Variants in SEC24B observed in about 807,000 individuals in gnomAD.
SEC24B encodes protein transport protein Sec24B.
A neutral mutation model predicts 142.8 loss-of-function variants in SEC24B; 45 were observed. The ratio of observed to expected loss-of-function variants is 0.32; its 90% CI spans 0.25 to 0.40. SEC24B has a LOEUF of 0.40. SEC24B is among the 10% of genes least tolerant of loss of function. SEC24B has a pLI of 1.00. For synonymous variants in SEC24B, 574 were observed against 568.2 expected, an observed-to-expected ratio of 1.01 and a Z score of -0.15; for missense variants, 1,409 against 1,526.8, an observed-to-expected ratio of 0.92 and a Z score of 1.29.
chr4:109,539,217 C>T (rs1344963832), intron 23 of SEC24B, among the ~76,000 whole-genome samples: 1 of 152,090 alleles, frequency 6.6e-6, no homozygotes, highest in African/African-American at 2.4e-5. Flanking sequence ...CCACCTCGGC[C>T]TCTCAAAGTG....
chr4:109,475,662 C>T (rs1470409619), intron 3 of SEC24B, among the ~76,000 whole-genome samples: 1 of 152,060 alleles, frequency 6.6e-6, no homozygotes, highest in African/African-American at 2.4e-5. Context: ...ACTTTTAAAA[C>T]TGAGATGTTA....
chr4:109,482,503 G>T (rs1212752703), intron 4 of SEC24B, among the ~76,000 whole-genome samples: 1 of 152,078 alleles, frequency 6.6e-6, no homozygotes, highest in Non-Finnish European at 1.5e-5. Flanking sequence ...TCAGATTTCA[G>T]AATATTTGCT....
At chr4:109,533,321 G>T (rs925017979) in intron 21 of SEC24B, among the ~76,000 whole-genome samples, 2 of 152,182 alleles carry the variant, frequency 1.3e-5, no homozygotes, top group African/African-American at 4.8e-5. Context: ...GGGAAATACA[G>T]TGAGTCAATT....
At chr4:109,464,410 G>A (rs1731642502) in intron 2 of SEC24B, among the ~76,000 whole-genome samples, 1 of 151,682 alleles carries the variant, frequency 6.6e-6, no homozygotes, top group African/African-American at 2.4e-5. Context: ...AGCCCCACAA[G>A]TAGCTGGGAC....
intron 22 of SEC24B, among the ~76,000 whole-genome samples, chr4:109,537,071 C>G (rs1451684371): frequency 1.3e-5 from 2 of 152,122 alleles, no homozygotes; most frequent in African/African-American, 4.8e-5. Context: ...TCCTTACTTT[C>G]TGCCTCCTCC....
chr4:109,464,036 T>G (rs1398648221), intron 2 of SEC24B, among the ~76,000 whole-genome samples: 1 of 152,178 alleles, frequency 6.6e-6, no homozygotes, highest in African/African-American at 2.4e-5. Context: ...GAGCCCCACT[T>G]ACTTAGAAAA....
chr4:109,493,207 A>T (rs190829964), intron 5 of SEC24B, among the ~76,000 whole-genome samples: 38 of 152,268 alleles, frequency 2.5e-4, no homozygotes, highest in African/African-American at 8.7e-4. Flanking sequence ...TTGCCTAATC[A>T]GCACAAGATG....
intron 16 of SEC24B, among the ~76,000 whole-genome samples, chr4:109,525,791 A>T (rs746705695): frequency 6.6e-6 from 1 of 152,172 alleles, no homozygotes; most frequent in Non-Finnish European, 1.5e-5. Flanking sequence ...GAAGATCTTA[A>T]ATAAGAATTG....
chr4:109,527,976 T>C (rs1724443125), intron 18 of SEC24B, among the ~76,000 whole-genome samples: 1 of 152,158 alleles, frequency 6.6e-6, no homozygotes, highest in African/African-American at 2.4e-5. Context: ...AAATAATATA[T>C]GCACAATCCA....
Position 109,512,083 on chromosome 4 carries a change from G to A in SEC24B, c.1903G>A (p.Val635Ile). 1 of 1,602,158 alleles carries A rather than the reference G, an allele frequency of 6.2e-7. No homozygotes were observed. Among genetic ancestry groups the A allele is most frequent in the Non-Finnish European group, 8.5e-7 (1 of 1,176,660 alleles). ...CAATTTGTGCTATAGAGTAAACGAT[G>A]GTGAGTTTTAGATTCTTAATTGTGT... ...KCNLCYRVND[V>I]PEEFMYNPLT... Residue 635 changes from valine (V) to isoleucine (I), a missense_variant and splice_region_variant, in exon 9 of 24, where the codon GTT becomes ATT. By Grantham distance (29) the Val-to-Ile change is conservative (BLOSUM62 3). Transcript: ENST00000265175.
At chr4:109,526,165 C>T in intron 16 of SEC24B, 61 bp from the exon 17 acceptor site, 1 of 1,496,986 alleles carries the variant, frequency 6.7e-7, no homozygotes, top group South Asian at 1.2e-5. Flanking sequence ...AAAAAAGTAA[C>T]TTTAGCTTGA....
chr4:109,506,292 ATTG>A (rs1561149045), intron 6 of SEC24B, 33 bp from the exon 7 acceptor site: 2 of 1,415,044 alleles, frequency 1.4e-6, no homozygotes, highest in Non-Finnish European at 1.9e-6. Context: ...TTTATGTTTT[ATTG>A]TTCTTTTATT....
chr4:109,456,777 ATTG>A (rs1730737981), intron 1 of SEC24B, among the ~76,000 whole-genome samples: 2 of 152,290 alleles, frequency 1.3e-5, no homozygotes, highest in African/African-American at 4.8e-5. Context: ...CTTTCAATAT[ATTG>A]TTGTTTTCTA....
intron 10 of SEC24B, among the ~76,000 whole-genome samples, chr4:109,515,669 A>T (rs1445107549): frequency 6.6e-6 from 1 of 152,194 alleles, no homozygotes; most frequent in Non-Finnish European, 1.5e-5. Flanking sequence ...CACGTACTCC[A>T]AAGAAAACAG....
At chr4:109,449,824 T>C (rs951821345) in intron 1 of SEC24B, among the ~76,000 whole-genome samples, 3 of 152,296 alleles carry the variant, frequency 2.0e-5, no homozygotes, top group South Asian at 4.1e-4. Context: ...GAGTCCATAA[T>C]AGAGGGATGT....
Position 109,531,604 on chromosome 4 carries a change from A to G in SEC24B, c.3390+82A>G. 4.8e-6 allele frequency: 5 copies of G among 1,042,972 alleles called. No homozygotes were observed. In the South Asian group the frequency reaches 6.7e-5, roughly 14 times the overall value. The allele number at this position is 1,042,972 out of a possible 1,614,324, so 64.6% of individuals were successfully genotyped here. On this transcript the variant is annotated intron_variant, in intron 20 of 23. Transcript: ENST00000265175. Reference sequence around the variant, plus strand: ...TCTACAGCTAAGATGATAATATACTATCAACTGGTTTTTCTTTTTAACTCT... The same window carrying G: ...TCTACAGCTAAGATGATAATATACTGTCAACTGGTTTTTCTTTTTAACTCT...
intron 3 of SEC24B, among the ~76,000 whole-genome samples, chr4:109,478,634 G>T (rs1475354427): frequency 2.0e-5 from 3 of 152,164 alleles, no homozygotes; most frequent in Non-Finnish European, 4.4e-5. Context: ...GTTGAACCCA[G>T]AGTCCTCTTC....
intron 2 of SEC24B, among the ~76,000 whole-genome samples, chr4:109,464,547 C>T (rs1046334291): frequency 1.8e-4 from 27 of 152,106 alleles, no homozygotes; most frequent in African/African-American, 6.3e-4. Flanking sequence ...TGCAGTGTTT[C>T]CTTTCCCTAG....
At chr4:109,516,742 A>G (rs888917963) in intron 11 of SEC24B, 102 bp downstream of exon 11, 5 of 593,086 alleles carry the variant, frequency 8.4e-6, no homozygotes, top group South Asian at 3.0e-5. Context: ...GTTTGGTTGT[A>G]TTTATCAACT....
Sources: allele counts gnomAD v4.1 joint callset (sites outside exome capture counted in the v4.1 genomes callset), GRCh38; gene constraint gnomAD v4.1.1; transcripts MANE v1.5; gene names NCBI Gene and HGNC (gene_info 2026-07-23, HGNC 2026-07-21).